TUBA1C: variants seen among roughly 807,000 people sequenced by gnomAD.
TUBA1C encodes tubulin alpha-1C chain.
In TUBA1C, 16 loss-of-function variants were observed where a neutral mutation model predicts 34.9. That is an observed-to-expected ratio of 0.46 (90% CI 0.31 to 0.70). The LOEUF is 0.70. Among genes scored for constraint, TUBA1C ranks in the 30% least tolerant of loss-of-function variants. The probability of loss-of-function intolerance (pLI) is 0.05; values close to 1 mark genes in which losing one functional copy is unlikely to be tolerated. For synonymous variants in TUBA1C, 177 were observed against 215.9 expected, an observed-to-expected ratio of 0.82 and a Z score of 1.58; for missense variants, 329 against 587.3, an observed-to-expected ratio of 0.56 and a Z score of 4.55.
Position 49,273,268 on chromosome 12 carries a change from T to C in TUBA1C, c.*41T>C. ...TTTACACTCCTTTGTCTTGGAACTGTCTTATTTTTGTTCTGTAAATGTCTA... is the reference window on the plus strand; with the variant it reads ...TTTACACTCCTTTGTCTTGGAACTGCCTTATTTTTGTTCTGTAAATGTCTA... On this transcript the variant is annotated 3_prime_UTR_variant, in exon 4 of 4. Coordinates refer to ENST00000301072, the MANE Select transcript of TUBA1C (RefSeq NM_032704.5). The C allele has an allele frequency of 6.2e-7, 1 of 1,614,106 alleles. No individual in the cohort carries two copies. The highest frequency in any genetic ancestry group is 8.5e-7 in the Non-Finnish European group (1 of 1,180,018).
chr12:49,249,831 A>G (rs1489725185), intron 1 of TUBA1C, among the ~76,000 whole-genome samples: 1 of 152,100 alleles, frequency 6.6e-6, no homozygotes, highest in Admixed American at 6.6e-5. Context: ...ACGCCACTGC[A>G]CTCAAGCAGG....
At chr12:49,234,632 C>T (rs1272543946) in intron 1 of TUBA1C, among the ~76,000 whole-genome samples, 1 of 152,130 alleles carries the variant, frequency 6.6e-6, no homozygotes, top group African/African-American at 2.4e-5. Context: ...AGGCCGCAGC[C>T]GCCGCCCCGC....
Position 49,265,125 on chromosome 12 carries a change from T to A in TUBA1C, c.-57T>A. On this transcript the variant is annotated 5_prime_UTR_variant, in exon 1 of 4. Transcript: ENST00000301072. ...TCCTTGGTAGTCTGTTAGTGGGAGATCCTTGTTGCCGTCCCTTCGCCTCCT... is the reference window on the plus strand; with the variant it reads ...TCCTTGGTAGTCTGTTAGTGGGAGAACCTTGTTGCCGTCCCTTCGCCTCCT... 1 of 1,584,390 alleles carries A rather than the reference T, an allele frequency of 6.3e-7. No individual in the cohort carries two copies. The highest frequency in any genetic ancestry group is 1.1e-5 in the South Asian group (1 of 87,248).
At chr12:49,230,335 T>C (rs1942483817) in intron 1 of TUBA1C, among the ~76,000 whole-genome samples, 1 of 152,152 alleles carries the variant, frequency 6.6e-6, no homozygotes, top group Non-Finnish European at 1.5e-5. Context: ...GGAGTGTTAC[T>C]AAAAACATAG....
intron 1 of TUBA1C, among the ~76,000 whole-genome samples, chr12:49,266,707 G>C (rs1311805571): frequency 6.6e-6 from 1 of 151,982 alleles, no homozygotes; most frequent in Non-Finnish European, 1.5e-5. Flanking sequence ...AAATTATCTG[G>C]GCGTCGTGGT....
chr12:49,255,889 T>TA (rs1475759396), intron 1 of TUBA1C, among the ~76,000 whole-genome samples: 1 of 152,150 alleles, frequency 6.6e-6, no homozygotes. Flanking sequence ...TAGGCTTCCA[T>TA]AGCAATGTGC....
At chr12:49,229,742 C>CA (rs2136982610) in intron 1 of TUBA1C, among the ~76,000 whole-genome samples, 1 of 151,466 alleles carries the variant, frequency 6.6e-6, no homozygotes, top group South Asian at 2.1e-4. Context: ...TAAATGGTGC[C>CA]ATGTTGTGCT....
rs1942999668 is a variant in TUBA1C at position 49,272,156 on chromosome 12, T to G, written c.376-97T>G. ...AAGAGTTTTAAAATTGCAATTGGAG[T>G]AGCCATAGATTTATAGAAGTCCTCT... On this transcript the variant is annotated intron_variant, in intron 3 of 3. Coordinates refer to ENST00000301072, the MANE Select transcript of TUBA1C (RefSeq NM_032704.5). 5 of 1,517,280 alleles carry G rather than the reference T, an allele frequency of 3.3e-6. 1 individual carries two copies. Among genetic ancestry groups the G allele is most frequent in the Middle Eastern group, 3.6e-4 (2 of 5,608 alleles). 94.0% of individuals were successfully genotyped at this position (1,517,280 alleles called of 1,614,324 possible). A position where few individuals can be genotyped will look rare whatever the true frequency, so the allele number is the denominator to read the frequency against.
upstream of TUBA1C, among the ~76,000 whole-genome samples, chr12:49,260,280 G>T (rs1257571283): frequency 6.6e-6 from 1 of 152,142 alleles, no homozygotes; most frequent in South Asian, 2.1e-4. Context: ...AGGGATACAG[G>T]GTGGGAATAC....
upstream of TUBA1C, among the ~76,000 whole-genome samples, chr12:49,261,206 G>A (rs971191308): frequency 6.6e-6 from 1 of 151,792 alleles, no homozygotes; most frequent in Non-Finnish European, 1.5e-5. Context: ...CTCCAGCCTG[G>A]GCAACACAGC....
At position 49,273,527 on chromosome 12, in the gene TUBA1C, A is replaced by T. The variant is rs997572608; in HGVS notation, c.*300A>T. 2.3e-6 allele frequency: 1 copy of T among 438,054 alleles called. No individual in the cohort carries two copies. Among genetic ancestry groups the T allele is most frequent in the Non-Finnish European group, 4.2e-6 (1 of 237,140 alleles). The allele number at this position is 438,054 out of a possible 1,614,324, so 27.1% of individuals were successfully genotyped here. ...GCTTCAGCCTCCTAAGTAGCTGGGG[A>T]CTGCAGGTGCACACCACCATGCCCA... On this transcript the variant is annotated 3_prime_UTR_variant, in exon 4 of 4. Transcript: ENST00000301072.
intron 1 of TUBA1C, among the ~76,000 whole-genome samples, chr12:49,267,537 T>C (rs1159187772): frequency 6.6e-6 from 1 of 152,188 alleles, no homozygotes; most frequent in African/African-American, 2.4e-5. Context: ...TGGGCACCTG[T>C]AATCCCAGCT....
intron 1 of TUBA1C, among the ~76,000 whole-genome samples, chr12:49,236,286 C>A (rs1303316374): frequency 1.3e-5 from 2 of 152,192 alleles, no homozygotes; most frequent in East Asian, 3.8e-4. Context: ...CGGTATTGCA[C>A]TTTGTTAAAG....
At chr12:49,235,630 G>C (rs1942546571) in intron 1 of TUBA1C, among the ~76,000 whole-genome samples, 1 of 151,862 alleles carries the variant, frequency 6.6e-6, no homozygotes, top group African/African-American at 2.4e-5. Context: ...AGCTACTCGG[G>C]AGGCTGAGGC....
At chr12:49,237,144 G>A (rs1942563662) in intron 1 of TUBA1C, among the ~76,000 whole-genome samples, 1 of 152,188 alleles carries the variant, frequency 6.6e-6, no homozygotes, top group Non-Finnish European at 1.5e-5. Context: ...TCCGGGCCAG[G>A]CATCGTGGCT....
At chr12:49,257,257 C>T (rs928450219) in intron 1 of TUBA1C, among the ~76,000 whole-genome samples, 5 of 152,022 alleles carry the variant, frequency 3.3e-5, no homozygotes, top group African/African-American at 1.2e-4. Flanking sequence ...AGGCAACATG[C>T]GCTGCTGTGT....
intron 2 of TUBA1C, 25 bp from the exon 3 acceptor site, chr12:49,269,803 C>CCTCCTCCCACTG (rs1942964865): frequency 6.2e-7 from 1 of 1,601,036 alleles, no homozygotes; most frequent in Non-Finnish European, 8.5e-7. Flanking sequence ...TGTCCCTCCT[C>CCTCCTCCCACTG]CTCCTCCCCC....
upstream of TUBA1C, among the ~76,000 whole-genome samples, chr12:49,262,527 C>T (rs1004872883): frequency 2.0e-5 from 3 of 149,794 alleles, no homozygotes; most frequent in South Asian, 2.1e-4. Context: ...TGCCTGTAAT[C>T]GCAGCATTTT....
exon 1 of TUBA1C, chr12:49,227,928 G>A (rs1161388045): frequency 5.9e-6 from 9 of 1,533,916 alleles, no homozygotes; most frequent in Non-Finnish European, 7.9e-6. Context: ...GTAGAAGAAA[G>A]TGAACAATGG....
Sources: allele counts gnomAD v4.1 joint callset (sites outside exome capture counted in the v4.1 genomes callset), GRCh38; gene constraint gnomAD v4.1.1; transcripts MANE v1.5; gene names NCBI Gene and HGNC (gene_info 2026-07-23, HGNC 2026-07-21).